Variants in CMBL observed in about 807,000 individuals in gnomAD.
The protein encoded by CMBL is carboxymethylenebutenolidase homolog.
A neutral mutation model predicts 28.7 loss-of-function variants in CMBL; 17 were observed. That is an observed-to-expected ratio of 0.59 (90% CI 0.41 to 0.89). CMBL has a LOEUF of 0.89. Among genes scored for constraint, CMBL ranks in the 40% least tolerant of loss-of-function variants. CMBL has a pLI of 0.00. For missense variants in CMBL, 310 were observed against 298.5 expected (o/e 1.04, Z -0.28); for synonymous variants, 106 against 101.6 (o/e 1.04, Z -0.26).
In CMBL at chr5:10,290,543, C is replaced by T. The variant is rs1271315708; in HGVS notation, c.215+5G>A. On this transcript the variant is annotated splice_donor_5th_base_variant and intron_variant, in intron 2 of 5. Transcript: ENST00000296658. ...TTAAACAAAGAAACACAACTTTATA[C>T]ATACGTGTATCCATTTCCTGAGATC... The T allele has an allele frequency of 5.0e-6, 8 of 1,605,332 alleles. No individual in the cohort carries two copies. The highest frequency in any genetic ancestry group is 6.8e-6 in the Non-Finnish European group (8 of 1,172,204).
Position 10,280,369 on chromosome 5 carries a change from T to C in CMBL, c.*84A>G. On this transcript the variant is annotated 3_prime_UTR_variant, in exon 6 of 6. Transcript: ENST00000296658. Reference sequence around the variant, plus strand: ...GATTCCTACACTTATTTTATAAAAGTGAAAATTAAATCAAATGATCTAACT... The same window carrying C: ...GATTCCTACACTTATTTTATAAAAGCGAAAATTAAATCAAATGATCTAACT... 9.6e-7 allele frequency: 1 copy of C among 1,039,400 alleles called. No individual in the cohort carries two copies. Among genetic ancestry groups the C allele is most frequent in the Non-Finnish European group, 1.4e-6 (1 of 731,550 alleles). The allele number at this position is 1,039,400 out of a possible 1,614,324, so 64.4% of individuals were successfully genotyped here.
intron 4 of CMBL, among the ~76,000 whole-genome samples, chr5:10,283,004 G>A (rs1028889994): frequency 6.6e-6 from 1 of 150,542 alleles, no homozygotes; most frequent in Non-Finnish European, 1.5e-5. Flanking sequence ...GCAGGAGAAT[G>A]GCTTGAACCC....
At chr5:10,296,800 C>T (rs1392417592) in intron 1 of CMBL, among the ~76,000 whole-genome samples, 1 of 152,112 alleles carries the variant, frequency 6.6e-6, no homozygotes, top group Non-Finnish European at 1.5e-5. Flanking sequence ...TTGCCCTCCG[C>T]GTTTGGCAAA....
At chr5:10,298,974 C>G (rs1285712265) in intron 1 of CMBL, among the ~76,000 whole-genome samples, 1 of 152,158 alleles carries the variant, frequency 6.6e-6, no homozygotes, top group Non-Finnish European at 1.5e-5. Flanking sequence ...GGTGGTGCAG[C>G]TGGAGTGTCC....
intron 1 of CMBL, among the ~76,000 whole-genome samples, chr5:10,305,099 C>T (rs1305472425): frequency 6.6e-6 from 1 of 152,180 alleles, no homozygotes; most frequent in Non-Finnish European, 1.5e-5. Context: ...TGTATCATGG[C>T]AGATGTGTTT....
intron 4 of CMBL, among the ~76,000 whole-genome samples, 200 bp from the exon 5 acceptor site, chr5:10,282,488 T>C (rs1354331655): frequency 6.6e-6 from 1 of 151,808 alleles, no homozygotes; most frequent in African/African-American, 2.4e-5. Context: ...CTTGTAAGAT[T>C]AGCGTAAAAG....
intron 1 of CMBL, among the ~76,000 whole-genome samples, chr5:10,298,200 A>G (rs1395244956): frequency 6.6e-6 from 1 of 152,086 alleles, no homozygotes; most frequent in South Asian, 2.1e-4. Context: ...AGGTAAGAAA[A>G]CAAATCACCA....
intron 4 of CMBL, among the ~76,000 whole-genome samples, chr5:10,282,599 A>T (rs940225281): frequency 8.6e-5 from 13 of 151,912 alleles, no homozygotes; most frequent in Non-Finnish European, 1.9e-4. Flanking sequence ...CCTGGGTAAC[A>T]TCGCAAAACC....
intron 1 of CMBL, among the ~76,000 whole-genome samples, chr5:10,300,063 C>G (rs949132536): frequency 6.6e-6 from 1 of 152,214 alleles, no homozygotes; most frequent in Admixed American, 6.5e-5. Context: ...GTGCATGTGA[C>G]CTTAACTAGA....
chr5:10,287,367 G>C (rs1746623798), intron 3 of CMBL, among the ~76,000 whole-genome samples: 1 of 152,078 alleles, frequency 6.6e-6, no homozygotes, highest in Admixed American at 6.6e-5. Flanking sequence ...ATTTCTCTAA[G>C]GGAAGTAACT....
chr5:10,291,635 TG>T (rs1181206689), intron 1 of CMBL, among the ~76,000 whole-genome samples: 4 of 148,902 alleles, frequency 2.7e-5, no homozygotes, highest in Non-Finnish European at 5.9e-5. Context: ...CACTCCAGCC[TG>T]GGGGACAGAG....
intron 1 of CMBL, among the ~76,000 whole-genome samples, chr5:10,303,500 T>C (rs113679028): frequency 3.3e-5 from 5 of 152,222 alleles, no homozygotes; most frequent in African/African-American, 1.2e-4. Flanking sequence ...ACAAACAACA[T>C]TGAGGATTGT....
At chr5:10,299,281 A>C (rs1350324523) in intron 1 of CMBL, among the ~76,000 whole-genome samples, 1 of 152,214 alleles carries the variant, frequency 6.6e-6, no homozygotes, top group Non-Finnish European at 1.5e-5. Context: ...TTTACAAAAA[A>C]GTACACCTGA....
At chr5:10,283,511 C>A (rs1240261388) in intron 4 of CMBL, among the ~76,000 whole-genome samples, 3 of 152,218 alleles carry the variant, frequency 2.0e-5, no homozygotes, top group African/African-American at 4.8e-5. Context: ...GGCGAGGTGG[C>A]TCACACCTGT....
intron 1 of CMBL, among the ~76,000 whole-genome samples, chr5:10,299,779 A>C (rs1746864355): frequency 6.6e-6 from 1 of 151,982 alleles, no homozygotes; most frequent in South Asian, 2.1e-4. Flanking sequence ...TGAGCCCAGG[A>C]GGTCAAGACT....
At chr5:10,304,520 C>T (rs1270607065) in intron 1 of CMBL, among the ~76,000 whole-genome samples, 3 of 152,268 alleles carry the variant, frequency 2.0e-5, no homozygotes, top group Non-Finnish European at 4.4e-5. Context: ...CCAGAGACTA[C>T]ACTTCCCAGC....
At chr5:10,280,762 T>A (rs1360264211) in intron 5 of CMBL, 130 bp from the exon 6 acceptor site, 2 of 811,240 alleles carry the variant, frequency 2.5e-6, no homozygotes, top group Non-Finnish European at 3.7e-6. Flanking sequence ...ACAGTTACAC[T>A]GAATTCTTTC....
chr5:10,297,397 C>G (rs534757305), intron 1 of CMBL, among the ~76,000 whole-genome samples: 2 of 151,878 alleles, frequency 1.3e-5, no homozygotes, highest in Admixed American at 1.3e-4. Context: ...TGGGGAAACC[C>G]CGTCTCTACT....
chr5:10,296,411 GCTGGTA>G (rs1466658453), intron 1 of CMBL, among the ~76,000 whole-genome samples: 4 of 152,178 alleles, frequency 2.6e-5, no homozygotes, highest in Non-Finnish European at 5.9e-5. Flanking sequence ...CTCCCAAGTA[GCTGGTA>G]CTACAGGCGA....
Sources: gnomAD v4.1 joint callset for allele counts (sites outside exome capture counted in the v4.1 genomes callset) on GRCh38, gnomAD v4.1.1 for gene constraint, MANE v1.5 for transcripts, NCBI Gene and HGNC (gene_info 2026-07-23, HGNC 2026-07-21) for gene names.